The following RAPGEF5 variants were observed in gnomAD, a reference collection of about 807,000 sequenced individuals.
RAPGEF5 encodes M-Ras-regulated GEF.
A neutral mutation model predicts 125.2 loss-of-function variants in RAPGEF5; 65 were observed. The observed-to-expected ratio is 0.52, with a 90% CI of 0.43 to 0.64. The LOEUF (loss-of-function observed/expected upper bound fraction) is 0.64, where lower values mean the gene tolerates loss of function less well. Ranked by LOEUF, RAPGEF5 falls within the 30% of genes least tolerant of loss-of-function variation. RAPGEF5 has a pLI of 0.00. For synonymous variants in RAPGEF5, 391 were observed against 385.9 expected (o/e 1.01, Z -0.16); for missense variants, 958 against 1,048.1 (o/e 0.91, Z 1.19).
rs1782955456 is a variant in RAPGEF5, at chr7:22,292,403, T to TA, written c.681-1163dup. Among the ~76,000 whole-genome samples, 4 of 152,344 alleles carry TA rather than the reference T, an allele frequency of 2.6e-5. No homozygotes were observed. The South Asian group carries it at 8.3e-4, about 32-fold the overall frequency. On this transcript the variant is annotated intron_variant, in intron 5 of 25. Transcript: ENST00000665637. ...CACTGCCTTTACAAAAATTGCAAGA[T>TA]ACAGGTATGAAGCAGTGCTGATGTT...
intron 17 of RAPGEF5, among the ~76,000 whole-genome samples, chr7:22,152,622 C>T (rs1319567679): frequency 2.6e-5 from 4 of 152,116 alleles, no homozygotes; most frequent in Non-Finnish European, 5.9e-5. Flanking sequence ...ACTATTGTTC[C>T]TTTTAGAAAA....
At chr7:22,258,411 G>T (rs1782057086) in intron 7 of RAPGEF5, among the ~76,000 whole-genome samples, 2 of 151,906 alleles carry the variant, frequency 1.3e-5, no homozygotes, top group African/African-American at 4.8e-5. Context: ...ACCTGAGGTT[G>T]GGAGTTCGAG....
intron 9 of RAPGEF5, among the ~76,000 whole-genome samples, chr7:22,197,531 C>G (rs1043480131): frequency 1.3e-5 from 2 of 152,154 alleles, no homozygotes; most frequent in African/African-American, 2.4e-5. Context: ...TGGCCTAACT[C>G]TTATTTATCC....
intron 11 of RAPGEF5, among the ~76,000 whole-genome samples, chr7:22,184,443 GATA>G (rs1418430784): frequency 1.3e-5 from 2 of 152,110 alleles, no homozygotes; most frequent in Admixed American, 6.6e-5. Flanking sequence ...TTAAAATTCA[GATA>G]ATAAACTACA....
At chr7:22,256,513 C>T (rs768326811) in intron 7 of RAPGEF5, among the ~76,000 whole-genome samples, 1 of 151,604 alleles carries the variant, frequency 6.6e-6, no homozygotes, top group Non-Finnish European at 1.5e-5. Flanking sequence ...CACGTAATGA[C>T]AAAAATAAAA....
chr7:22,306,945 G>C (rs1016264620), intron 5 of RAPGEF5, among the ~76,000 whole-genome samples: 1 of 152,154 alleles, frequency 6.6e-6, no homozygotes, highest in African/African-American at 2.4e-5. Flanking sequence ...TGCTGTTTGG[G>C]TTACTATAGC....
At position 22,136,056 on chromosome 7, in the gene RAPGEF5, T is replaced by A; in HGVS notation, c.2398A>T (p.Met800Leu). The A allele has an allele frequency of 6.2e-7, 1 of 1,608,284 alleles. No homozygotes were observed. The highest frequency in any genetic ancestry group is 8.5e-7 in the Non-Finnish European group (1 of 1,175,262). Residue 800 changes from methionine (M) to leucine (L), a missense_variant, in exon 23 of 26, where the codon ATG becomes TTG. By Grantham distance (15) the Met-to-Leu change is conservative. Coordinates refer to ENST00000665637, the MANE Select transcript of RAPGEF5 (RefSeq NM_012294.5). ...KKMKPPKIPF[M>L]PLLLKDVTFI... ...TCATTACCTTTAAGCAATAAGGGCA[T>A]GAAAGGGATTTTTGGTGGCTTCATC...
intron 7 of RAPGEF5, among the ~76,000 whole-genome samples, chr7:22,239,199 G>T (rs1786262086): frequency 6.6e-6 from 1 of 152,064 alleles, no homozygotes; most frequent in African/African-American, 2.4e-5. Flanking sequence ...AGGCAGGAGT[G>T]GTCACTGGCA....
chr7:22,253,986 A>G (rs189354052), intron 7 of RAPGEF5, among the ~76,000 whole-genome samples: 12 of 152,366 alleles, frequency 7.9e-5, no homozygotes, highest in African/African-American at 2.9e-4. Flanking sequence ...TTTTTCTTCT[A>G]CACATGAAAA....
intron 9 of RAPGEF5, among the ~76,000 whole-genome samples, chr7:22,210,481 CCT>C (rs1360128806): frequency 6.6e-6 from 1 of 152,178 alleles, no homozygotes; most frequent in Non-Finnish European, 1.5e-5. Context: ...CCGACTCGCA[CCT>C]CTGAGGTCAC....
At chr7:22,263,953 G>A (rs1423740899) in intron 7 of RAPGEF5, among the ~76,000 whole-genome samples, 2 of 151,630 alleles carry the variant, frequency 1.3e-5, no homozygotes, top group Non-Finnish European at 2.9e-5. Flanking sequence ...TACTATGATA[G>A]CAAGAAAAAA....
At chr7:22,327,505 C>G (rs1055297593) in intron 1 of RAPGEF5, among the ~76,000 whole-genome samples, 1 of 152,178 alleles carries the variant, frequency 6.6e-6, no homozygotes, top group Non-Finnish European at 1.5e-5. Flanking sequence ...CCTTCCTTAA[C>G]GCTCTTCACC....
chr7:22,309,682 A>G (rs1783424688), intron 4 of RAPGEF5, among the ~76,000 whole-genome samples: 1 of 152,318 alleles, frequency 6.6e-6, no homozygotes, highest in Admixed American at 6.5e-5. Flanking sequence ...TTTTGAAAAA[A>G]GTTTGTAAGC....
rs572989561 is a variant in RAPGEF5 at position 22,176,215 on chromosome 7, G to A, written c.1205-9067C>T. 3.3e-5 allele frequency among the ~76,000 whole-genome samples: 5 copies of A among 152,270 alleles called. No homozygotes were observed. In the East Asian group the frequency reaches 9.7e-4, roughly 29 times the overall value. ...AGACTTATTCACTATCATGAGAACT[G>A]CAGGGGAAAGACTTGCCCCATGATT... On this transcript the variant is annotated intron_variant, in intron 11 of 25. Coordinates refer to ENST00000665637, the MANE Select transcript of RAPGEF5 (RefSeq NM_012294.5).
chr7:22,200,526 C>T (rs1785252681), intron 9 of RAPGEF5, among the ~76,000 whole-genome samples: 1 of 152,020 alleles, frequency 6.6e-6, no homozygotes, highest in Admixed American at 6.6e-5. Context: ...TAATCCCACA[C>T]ATATTAAGAT....
intron 23 of RAPGEF5, among the ~76,000 whole-genome samples, chr7:22,132,339 G>A (rs905412130): frequency 2.7e-5 from 4 of 150,612 alleles, no homozygotes; most frequent in Non-Finnish European, 5.9e-5. Flanking sequence ...CTTCCAATGT[G>A]GACTGAAATG....
intron 5 of RAPGEF5, among the ~76,000 whole-genome samples, chr7:22,299,204 T>C (rs1468716639): frequency 6.6e-6 from 1 of 152,158 alleles, no homozygotes; most frequent in Non-Finnish European, 1.5e-5. Context: ...AATATAAGCA[T>C]TAAAATCTAT....
At chr7:22,185,142 G>C (rs1235996030) in intron 11 of RAPGEF5, among the ~76,000 whole-genome samples, 1 of 152,128 alleles carries the variant, frequency 6.6e-6, no homozygotes, top group Non-Finnish European at 1.5e-5. Flanking sequence ...CCAGTCTCTA[G>C]CAAAAATAAT....
intron 11 of RAPGEF5, among the ~76,000 whole-genome samples, chr7:22,186,303 C>A (rs200979813): frequency 6.6e-6 from 1 of 152,150 alleles, no homozygotes; most frequent in Non-Finnish European, 1.5e-5. Context: ...CTTCAAATTT[C>A]TTTTATGTTA....
Sources: gnomAD v4.1 joint callset for allele counts (sites outside exome capture counted in the v4.1 genomes callset) on GRCh38, gnomAD v4.1.1 for gene constraint, MANE v1.5 for transcripts, NCBI Gene and HGNC (gene_info 2026-07-23, HGNC 2026-07-21) for gene names.